The following STK32C variants were observed in gnomAD, a reference collection of about 807,000 sequenced individuals.
STK32C encodes the protein serine/threonine kinase 32C, also known as serine/threonine-protein kinase 32C.
STK32C carries 31 observed loss-of-function variants against 56.5 expected under a neutral mutation model. The observed-to-expected ratio is 0.55, with a 90% CI of 0.41 to 0.74. The LOEUF (loss-of-function observed/expected upper bound fraction) is 0.74. Among genes scored for constraint, STK32C ranks in the 30% least tolerant of loss-of-function variants. STK32C has a pLI of 0.00. For missense variants in STK32C, 544 were observed against 676.9 expected (o/e 0.80, Z 2.18); for synonymous variants, 309 against 289.4 (o/e 1.07, Z -0.69).
chr10:132,324,469 T>C, intron 1 of STK32C: 2 of 659,788 alleles, frequency 3.0e-6, no homozygotes, highest in Admixed American at 2.4e-5. Context: ...TGATGATTGG[T>C]TTAGCAGGCA....
At chr10:132,216,925 C>A (rs1311697524) in intron 10 of STK32C, among the ~76,000 whole-genome samples, 1 of 152,196 alleles carries the variant, frequency 6.6e-6, no homozygotes, top group Non-Finnish European at 1.5e-5. Context: ...AGGGGTGGGG[C>A]CCTCATGGAG....
At chr10:132,242,423 G>C (rs1018204631) in intron 2 of STK32C, among the ~76,000 whole-genome samples, 1 of 152,158 alleles carries the variant, frequency 6.6e-6, no homozygotes, top group Non-Finnish European at 1.5e-5. Flanking sequence ...AACAGCACCT[G>C]AGGTTGGGGG....
intron 1 of STK32C, chr10:132,248,967 A>G (rs2063787366): frequency 2.2e-6 from 1 of 456,920 alleles, no homozygotes; most frequent in Non-Finnish European, 4.4e-6. Flanking sequence ...AACAAAATCT[A>G]TTAAATAACA....
At chr10:132,214,531 G>A (rs896746175) in intron 10 of STK32C, among the ~76,000 whole-genome samples, 1 of 152,198 alleles carries the variant, frequency 6.6e-6, no homozygotes, top group African/African-American at 2.4e-5. Context: ...TCAGGGGAAA[G>A]GAAAATGATT....
At chr10:132,228,855 GAC>G (rs2062992763) in intron 2 of STK32C, among the ~76,000 whole-genome samples, 1 of 152,366 alleles carries the variant, frequency 6.6e-6, no homozygotes, top group South Asian at 2.1e-4. Flanking sequence ...CCTGCAAGGA[GAC>G]ACACAGAGTG....
chr10:132,273,577 G>T (rs542273802), intron 1 of STK32C, among the ~76,000 whole-genome samples: 7 of 144,198 alleles, frequency 4.9e-5, no homozygotes, highest in African/African-American at 1.8e-4. Flanking sequence ...CATGGTGAGT[G>T]AATGAATACA....
intron 1 of STK32C, among the ~76,000 whole-genome samples, chr10:132,277,482 C>A (rs1282199183): frequency 6.6e-6 from 1 of 152,226 alleles, no homozygotes; most frequent in Non-Finnish European, 1.5e-5. Context: ...GCCAGCCTGG[C>A]CCCCGGCTGC....
intron 1 of STK32C, among the ~76,000 whole-genome samples, chr10:132,295,619 C>T (rs2065718079): frequency 6.6e-6 from 1 of 152,266 alleles, no homozygotes. Context: ...GGCGCAGTGG[C>T]TCACGCTTGT....
intron 2 of STK32C, 112 bp from the exon 3 acceptor site, chr10:132,228,240 C>T: frequency 2.1e-6 from 3 of 1,416,956 alleles, no homozygotes; most frequent in Non-Finnish European, 3.0e-6. Context: ...CACAAGGGGA[C>T]ACCTGGGGAC....
Position 132,222,775 on chromosome 10 carries a change from A to G in STK32C, c.1120-3T>C. On this transcript the variant is annotated splice_polypyrimidine_tract_variant and splice_region_variant and intron_variant, in intron 9 of 11. Transcript: ENST00000298630. ...GGGTCGCAGTGCAGACGGCCTTTCT[A>G]CAGAGGGATGGGTGCTGAGCCCCGG... The G allele has an allele frequency of 2.5e-6, 4 of 1,599,364 alleles. No homozygotes were observed. The highest frequency in any genetic ancestry group is 3.4e-6 in the Non-Finnish European group (4 of 1,173,386).
upstream of STK32C, chr10:132,308,120 G>C (rs2066142920): frequency 6.6e-6 from 1 of 152,582 alleles, no homozygotes; most frequent in African/African-American, 2.4e-5. Flanking sequence ...GGCCGAGCCG[G>C]GGGCGGGGCA....
intron 1 of STK32C, among the ~76,000 whole-genome samples, chr10:132,289,969 C>T (rs2065516510): frequency 6.6e-6 from 1 of 152,226 alleles, no homozygotes; most frequent in African/African-American, 2.4e-5. Context: ...AAACTTATCA[C>T]ATCACGTTTG....
At chr10:132,264,952 C>G (rs2064448980) in intron 1 of STK32C, among the ~76,000 whole-genome samples, 1 of 152,260 alleles carries the variant, frequency 6.6e-6, no homozygotes, top group Admixed American at 6.5e-5. Flanking sequence ...ATCCATCATA[C>G]CCGTATTTTA....
chr10:132,241,861 C>A (rs2063513189), intron 2 of STK32C, among the ~76,000 whole-genome samples: 1 of 152,156 alleles, frequency 6.6e-6, no homozygotes, highest in Non-Finnish European at 1.5e-5. Flanking sequence ...AATCCCAGGA[C>A]TTTGGGAGGC....
At chr10:132,223,885 A>G (rs551203900) in intron 8 of STK32C, among the ~76,000 whole-genome samples, 15 of 152,172 alleles carry the variant, frequency 9.9e-5, no homozygotes, top group Non-Finnish European at 1.9e-4. Context: ...CTAGCACCAG[A>G]TCACAAATGG....
In STK32C at chr10:132,307,297, A is replaced by C; in HGVS notation, c.262+275T>G. 5 of 279,930 alleles carry C rather than the reference A, an allele frequency of 1.8e-5. No individual in the cohort carries two copies. Among genetic ancestry groups the C allele is most frequent in the Non-Finnish European group, 3.3e-5 (5 of 150,612 alleles). 17.3% of individuals were successfully genotyped at this position (279,930 alleles called of 1,614,324 possible). On this transcript the variant is annotated intron_variant, in intron 1 of 11. Transcript: ENST00000298630. This position sits in a 1 kb window ranked among gnomAD's most constrained non-coding sequence, Gnocchi z 4.4. Reference sequence around the variant, plus strand: ...CGGGCGGTGGGCGGAGGCGCGCGCAAGCCCGGAGACGCCACAGCCGCGGGG... The same window carrying C: ...CGGGCGGTGGGCGGAGGCGCGCGCACGCCCGGAGACGCCACAGCCGCGGGG...
intron 1 of STK32C, among the ~76,000 whole-genome samples, chr10:132,251,481 C>T (rs921924382): frequency 6.6e-6 from 1 of 152,232 alleles, no homozygotes; most frequent in East Asian, 1.9e-4. Flanking sequence ...TGTGAACGGC[C>T]GAGGAGCCCT....
At chr10:132,241,162 C>T (rs2063486964) in intron 2 of STK32C, among the ~76,000 whole-genome samples, 1 of 152,214 alleles carries the variant, frequency 6.6e-6, no homozygotes, top group South Asian at 2.1e-4. Flanking sequence ...ACCCGACCCT[C>T]CACCCACACC....
chr10:132,233,544 C>G (rs1565089347), intron 2 of STK32C, among the ~76,000 whole-genome samples: 1 of 152,218 alleles, frequency 6.6e-6, no homozygotes, highest in Non-Finnish European at 1.5e-5. Flanking sequence ...ACAAACCTCT[C>G]AAGAAGAGGT....
Sources: allele counts gnomAD v4.1 joint callset (sites outside exome capture counted in the v4.1 genomes callset), GRCh38; gene constraint gnomAD v4.1.1; non-coding constraint Gnocchi (gnomAD v3.1); transcripts MANE v1.5; gene names NCBI Gene and HGNC (gene_info 2026-07-23, HGNC 2026-07-21).